CREBBP: variants seen among roughly 807,000 people sequenced by gnomAD.
CREBBP encodes the protein CREB binding lysine acetyltransferase, also known as CREB-binding protein.
A neutral mutation model predicts 265.0 loss-of-function variants in CREBBP; 19 were observed. The observed-to-expected ratio is 0.07, with a 90% CI of 0.05 to 0.11. CREBBP has a LOEUF of 0.11. Among genes scored for constraint, CREBBP ranks in the 10% least tolerant of loss-of-function variants. The probability of loss-of-function intolerance (pLI) is 1.00; values close to 1 mark genes in which losing one functional copy is unlikely to be tolerated. For missense variants in CREBBP, 2,525 were observed against 3,219.0 expected (o/e 0.78, Z 5.22); for synonymous variants, 1,457 against 1,223.7 (o/e 1.19, Z -3.98).
rs780011691 is a variant in CREBBP, at chr16:3,727,940, G to A, written c.7107C>T (p.Pro2369=). 3.1e-6 allele frequency: 5 copies of A among 1,608,804 alleles called. No homozygotes were observed. Among genetic ancestry groups the A allele is most frequent in the Non-Finnish European group, 4.3e-6 (5 of 1,176,324 alleles). ...GTGAGACGTGGTGTGGCGAAGGCTG[G>A]GGCTGTATCCGTGGTGACGGGCTGG... The part of the protein sequence containing the change: ...PHSSPSPRIQ[P]QPSPHHVSPQ... Residue 2369 remains proline, a synonymous_variant, in exon 31 of 31, where the codon CCC becomes CCT. Transcript: ENST00000262367.
At chr16:3,847,968 A>G (rs1022650316) in intron 2 of CREBBP, among the ~76,000 whole-genome samples, 2 of 152,182 alleles carry the variant, frequency 1.3e-5, no homozygotes, top group African/African-American at 4.8e-5. Context: ...CAGGAGTTCG[A>G]GACCAGCTTG....
At chr16:3,781,816 T>C (rs993454377) in intron 6 of CREBBP, among the ~76,000 whole-genome samples, 2 of 152,214 alleles carry the variant, frequency 1.3e-5, no homozygotes, top group South Asian at 2.1e-4. Context: ...TCCCAAATTA[T>C]ACCATCAACA....
chr16:3,850,896 G>C lies in CREBBP; in HGVS notation c.199C>G (p.His67Asp), dbSNP rs751125621. ...CGTAGAAGCTCCGACAGTTGTTTAT[G>C]TTTGGAAGCAGCATCTGGAACAAGG... ...GNLVPDAASK[H>D]KQLSELLRGG... Residue 67 changes from histidine to aspartate, a missense_variant, in exon 2 of 31, where the codon CAT becomes GAT. Coordinates refer to ENST00000262367, the MANE Select transcript of CREBBP (RefSeq NM_004380.3). 3.0e-5 allele frequency: 48 copies of C among 1,614,080 alleles called. No individual in the cohort carries two copies. Among genetic ancestry groups the C allele is most frequent in the Non-Finnish European group, 4.1e-5 (48 of 1,180,052 alleles).
chr16:3,731,528 T>C lies in CREBBP; in HGVS notation c.4891-55A>G, dbSNP rs3025677. The C allele has an allele frequency of 6.4e-7, 1 of 1,551,576 alleles. No individual in the cohort carries two copies. On this transcript the variant is annotated intron_variant, in intron 29 of 30. Coordinates refer to ENST00000262367, the MANE Select transcript of CREBBP (RefSeq NM_004380.3). The surrounding 1 kb of genome is among the most constrained non-coding windows in gnomAD (Gnocchi z 7.7). ...ACAAGGGACATGGCACCTCCAGTGG[T>C]GAGCTCAGGGCAGGCGCAGCCACCC...
chr16:3,848,540 A>C (rs948930037), intron 2 of CREBBP, among the ~76,000 whole-genome samples: 11 of 152,140 alleles, frequency 7.2e-5, no homozygotes, highest in African/African-American at 2.7e-4. Context: ...TTACTATTTA[A>C]TATAGTAAAT....
In CREBBP at chr16:3,774,656, G is replaced by A. The variant is rs2053093710; in HGVS notation, c.2196C>T (p.Val732=). ...GTCCCATGGGTGCTTGTGGCAACTGGACGTTCCCCAAGGACATGGGGTTAA... is the reference window on the plus strand; with the variant it reads ...GTCCCATGGGTGCTTGTGGCAACTGAACGTTCCCCAAGGACATGGGGTTAA... ...NSFNPMSLGN[V]QLPQAPMGPR... is the part of the protein sequence containing the mutation. The change falls in exon 12 of 31, where the codon GTC becomes GTT. Residue 732 remains valine (V), a synonymous_variant. Coordinates refer to ENST00000262367, the MANE Select transcript of CREBBP (RefSeq NM_004380.3). The A allele has an allele frequency of 6.2e-7, 1 of 1,614,102 alleles. No homozygotes were observed. The highest frequency in any genetic ancestry group is 1.3e-5 in the African/African-American group (1 of 74,940).
intron 1 of CREBBP, among the ~76,000 whole-genome samples, chr16:3,854,473 T>A (rs1036650351): frequency 6.6e-6 from 1 of 152,216 alleles, no homozygotes; most frequent in East Asian, 1.9e-4. Flanking sequence ...TCAAACTTCA[T>A]GTTATGTGAG....
At chr16:3,735,383 G>A (rs1050286506) in intron 28 of CREBBP, among the ~76,000 whole-genome samples, 5 of 152,102 alleles carry the variant, frequency 3.3e-5, no homozygotes, top group African/African-American at 9.7e-5. Flanking sequence ...TGCAACCTCC[G>A]CCTCCCGGGT....
chr16:3,748,534 T>C (rs566265279), intron 21 of CREBBP, among the ~76,000 whole-genome samples: 2 of 152,192 alleles, frequency 1.3e-5, no homozygotes, highest in Admixed American at 6.5e-5. Context: ...TTTCCAGAGG[T>C]GGCCTGGGTA....
chr16:3,760,900 A>G (rs1013748876), intron 16 of CREBBP, among the ~76,000 whole-genome samples: 1 of 152,074 alleles, frequency 6.6e-6, no homozygotes, highest in South Asian at 2.1e-4. Context: ...AGCCTCTCAA[A>G]GCAATAACAT....
chr16:3,820,151 C>T (rs1365383961), intron 2 of CREBBP, among the ~76,000 whole-genome samples: 2 of 152,178 alleles, frequency 1.3e-5, no homozygotes, highest in Admixed American at 1.3e-4. Flanking sequence ...CAGACTACGG[C>T]CAGATCATTT....
chr16:3,746,350 G>GAA (rs142322241), intron 21 of CREBBP, among the ~76,000 whole-genome samples: 2 of 148,408 alleles, frequency 1.3e-5, no homozygotes, highest in Non-Finnish European at 3.0e-5. Flanking sequence ...ACAGATCTGT[G>GAA]AAAAAAAAAA....
intron 3 of CREBBP, among the ~76,000 whole-genome samples, chr16:3,808,149 T>C (rs1181572234): frequency 1.8e-5 from 1 of 55,528 alleles, no homozygotes; most frequent in African/African-American, 7.2e-5. Flanking sequence ...GAGGGAGGGA[T>C]GAAAGAAGGG....
intron 25 of CREBBP, chr16:3,739,312 C>G (rs1596811576): frequency 2.0e-6 from 1 of 509,276 alleles, no homozygotes; most frequent in East Asian, 3.6e-5. Flanking sequence ...CTGTCCCATC[C>G]CAACTCCCCA....
intron 1 of CREBBP, among the ~76,000 whole-genome samples, chr16:3,869,014 T>C (rs377376737): frequency 6.6e-5 from 10 of 152,134 alleles, no homozygotes; most frequent in East Asian, 3.8e-4. Flanking sequence ...TAAATTCTGG[T>C]AGCCCAGTGA....
rs770693450 is a variant in CREBBP, at chr16:3,767,740, G to A, written c.3230C>T (p.Pro1077Leu). The A allele has an allele frequency of 1.1e-5, 17 of 1,614,148 alleles. No individual in the cohort carries two copies. In the South Asian group the frequency reaches 1.9e-4, roughly 18 times the overall value. The change falls in exon 16 of 31, where the codon CCT (proline) becomes CTT (leucine). Residue 1077 changes from proline (P) to leucine (L), a missense_variant. Physicochemically the swap from Pro to Leu is moderately conservative, Grantham distance 98. Around this residue, in one of 19 missense-constraint regions of CREBBP, gnomAD observed 548 missense variants for 533.0 expected, o/e 1.03. Coordinates refer to ENST00000262367, the MANE Select transcript of CREBBP (RefSeq NM_004380.3). The part of the protein sequence containing the change: ...SNGTASQSTS[P>L]SQPRKKIFKP... ...CCTACTTTTTTTGCGCGGCTGCGAA[G>A]GAGATGTTGACTGAGAGGCTGTGCC...
rs2151384028 is a variant in CREBBP at position 3,758,024 on chromosome 16, G to C, written c.3394C>G (p.Pro1132Ala). ...IPDYFDIVKN[P>A]MDLSTIKRKL... ...CGCTTGATGGTGGAGAGGTCCATGG[G>C]ATTCTTTACGATGTCAAAATAGTCC... The change falls in exon 18 of 31, where the codon CCC becomes GCC. Residue 1132 changes from proline to alanine, a missense_variant. Transcript: ENST00000262367. The C allele has an allele frequency of 6.2e-7, 1 of 1,612,396 alleles. No homozygotes were observed. Among genetic ancestry groups the C allele is most frequent in the Non-Finnish European group, 8.5e-7 (1 of 1,179,894 alleles).
chr16:3,831,582 GACA>G (rs1282076210), intron 2 of CREBBP, among the ~76,000 whole-genome samples: 2 of 152,080 alleles, frequency 1.3e-5, no homozygotes, highest in East Asian at 1.9e-4. Flanking sequence ...AGAAAAGGCT[GACA>G]ACAACAAAAG....
At chr16:3,855,461 C>T (rs1171791105) in intron 1 of CREBBP, among the ~76,000 whole-genome samples, 1 of 152,138 alleles carries the variant, frequency 6.6e-6, no homozygotes, top group African/African-American at 2.4e-5. Flanking sequence ...GACGGGGTTT[C>T]GCCACGTTGG....
Sources: gnomAD v4.1 joint callset for allele counts (sites outside exome capture counted in the v4.1 genomes callset) on GRCh38, gnomAD v4.1.1 for gene constraint, gnomAD v4.1.1 regional missense constraint, Gnocchi (gnomAD v3.1) non-coding constraint, MANE v1.5 for transcripts, NCBI Gene and HGNC (gene_info 2026-07-23, HGNC 2026-07-21) for gene names.